Variants in ZFHX3 observed in about 807,000 individuals in gnomAD.
ZFHX3 encodes the protein zinc finger homeobox 3, also known as zinc finger homeobox protein 3.
ZFHX3 carries 42 observed loss-of-function variants against 279.1 expected under a neutral mutation model. The ratio of observed to expected loss-of-function variants is 0.15; its 90% CI spans 0.12 to 0.19. ZFHX3 has a LOEUF of 0.19. ZFHX3 is among the 10% of genes least tolerant of loss of function. ZFHX3 has a pLI of 1.00. For synonymous variants in ZFHX3, 2,293 were observed against 1,957.8 expected (o/e 1.17, Z -4.52); for missense variants, 4,981 against 4,754.0 (o/e 1.05, Z -1.40).
intron 2 of ZFHX3, among the ~76,000 whole-genome samples, chr16:73,627,875 G>A (rs1192753437): frequency 6.6e-6 from 1 of 152,170 alleles, no homozygotes; most frequent in African/African-American, 2.4e-5. Flanking sequence ...CCGAGACTGT[G>A]CCACTGCACT....
chr16:73,731,992 T>C (rs2053573459), intron 1 of ZFHX3, among the ~76,000 whole-genome samples: 1 of 152,180 alleles, frequency 6.6e-6, no homozygotes, highest in South Asian at 2.1e-4. Context: ...GAACCCTACT[T>C]GGGGATTTCA....
intron 3 of ZFHX3, among the ~76,000 whole-genome samples, chr16:72,932,311 C>T (rs1959858207): frequency 6.6e-6 from 1 of 152,142 alleles, no homozygotes; most frequent in African/African-American, 2.4e-5. Flanking sequence ...TTCCTTCTCA[C>T]AACGGATGAT....
At chr16:73,607,006 A>G (rs2052193727) in intron 2 of ZFHX3, among the ~76,000 whole-genome samples, 1 of 152,102 alleles carries the variant, frequency 6.6e-6, no homozygotes, top group African/African-American at 2.4e-5. Context: ...CAACAACAAC[A>G]AAAACAAATA....
At chr16:73,685,025 AT>A (rs67930871) in intron 1 of ZFHX3, among the ~76,000 whole-genome samples, 4 of 146,672 alleles carry the variant, frequency 2.7e-5, no homozygotes, top group Middle Eastern at 3.6e-3. Context: ...ATTTATTATT[AT>A]TTTTTTTGAG....
intron 2 of ZFHX3, among the ~76,000 whole-genome samples, chr16:73,479,137 C>T (rs768261794): frequency 2.0e-5 from 3 of 152,154 alleles, no homozygotes; most frequent in Admixed American, 6.5e-5. Flanking sequence ...CTGCCCTATC[C>T]ACCCTCCCTT....
Position 73,014,518 on chromosome 16 carries a change from C to CTTTTTTTTTTT in ZFHX3, c.-50+33223_-50+33233dup, listed in dbSNP as rs1000108439. 28 of 63,406 alleles carry CTTTTTTTTTTT rather than the reference C, an allele frequency of 4.4e-4. 1 individual carries two copies. Among genetic ancestry groups the CTTTTTTTTTTT allele is most frequent in the African/African-American group, 1.3e-3 (21 of 15,976 alleles). The allele number at this position is 63,406 out of a possible 1,614,324, so 3.9% of individuals were successfully genotyped here. On this transcript the variant is annotated intron_variant, in intron 1 of 9. Coordinates refer to ENST00000268489, the MANE Select transcript of ZFHX3 (RefSeq NM_006885.4). ...AACAAGTTTGTGGTAATTTCTTCTT[C>CTTTTTTTTTTT]TTTTTTTTTTTTTTTTTTTTTTTTT... is the stretch of plus-strand genomic sequence containing the variant.
intron 1 of ZFHX3, among the ~76,000 whole-genome samples, chr16:73,036,622 G>A (rs1164148172): frequency 1.3e-5 from 2 of 152,040 alleles, no homozygotes; most frequent in East Asian, 1.9e-4. Context: ...AGGAAGAGGA[G>A]GGGAGAGGGG....
intron 5 of ZFHX3, among the ~76,000 whole-genome samples, chr16:73,231,832 A>G (rs1438722335): frequency 1.3e-5 from 2 of 152,254 alleles, no homozygotes; most frequent in East Asian, 3.9e-4. Context: ...CTCTCTACAT[A>G]GGCTCCAAAG....
chr16:72,822,407 A>C (rs1301808381), intron 5 of ZFHX3, among the ~76,000 whole-genome samples: 1 of 152,244 alleles, frequency 6.6e-6, no homozygotes, highest in Non-Finnish European at 1.5e-5. Context: ...TGCAACTCTG[A>C]CACCCGAGTT....
In ZFHX3 at chr16:73,587,323, A is replaced by G. The variant is rs533180516; in HGVS notation, c.-1547+92857T>C. Among the ~76,000 whole-genome samples the G allele has an allele frequency of 1.1e-4, 17 of 152,344 alleles. No homozygotes were observed. The South Asian group carries it at 3.3e-3, about 30-fold the overall frequency. On this transcript the variant is annotated intron_variant, in intron 2 of 17. Coordinates refer to the ZFHX3 transcript ENST00000641206. ...AAAAAACTGAGATGTTTAGAGGTATACATATTACTTTTCAGAGGGAACCAT... is the reference window on the plus strand; with the variant it reads ...AAAAAACTGAGATGTTTAGAGGTATGCATATTACTTTTCAGAGGGAACCAT...
intron 5 of ZFHX3, among the ~76,000 whole-genome samples, chr16:73,256,279 A>G (rs541956209): frequency 6.6e-6 from 1 of 152,312 alleles, no homozygotes; most frequent in East Asian, 1.9e-4. Flanking sequence ...AGGAATCAAA[A>G]GGTAATACAG....
upstream of ZFHX3, among the ~76,000 whole-genome samples, chr16:73,048,712 A>C (rs1179412322): frequency 6.6e-6 from 1 of 152,258 alleles, no homozygotes; most frequent in African/African-American, 2.4e-5. Flanking sequence ...CAATGTGGAC[A>C]GGAATTTATT....
chr16:73,826,214 G>T (rs1223408627), intron 1 of ZFHX3, among the ~76,000 whole-genome samples: 92 of 121,606 alleles, frequency 7.6e-4, no homozygotes, highest in African/African-American at 3.4e-3. Flanking sequence ...GTCTGTTTTT[G>T]GTGTATAAGA....
chr16:73,801,103 A>T (rs1362344940), intron 1 of ZFHX3, among the ~76,000 whole-genome samples: 1 of 152,242 alleles, frequency 6.6e-6, no homozygotes, highest in Non-Finnish European at 1.5e-5. Context: ...AACAAGCTGT[A>T]CCAGGTGCCT....
At chr16:73,196,106 G>A (rs1968142690) in intron 5 of ZFHX3, among the ~76,000 whole-genome samples, 1 of 140,826 alleles carries the variant, frequency 7.1e-6, no homozygotes, top group Non-Finnish European at 1.5e-5. Flanking sequence ...TCTAGGCTGT[G>A]ATCTTACCAT....
intron 3 of ZFHX3, among the ~76,000 whole-genome samples, chr16:73,381,363 T>C (rs2113267): frequency 0.57 from 87,319 of 152,008 alleles, 25,710 homozygotes; most frequent in Non-Finnish European, 0.63. Flanking sequence ...ATGAAAAGCA[T>C]GAAAAATAAA....
At chr16:73,771,542 T>C (rs1048414332) in intron 1 of ZFHX3, among the ~76,000 whole-genome samples, 1 of 152,206 alleles carries the variant, frequency 6.6e-6, no homozygotes, top group Non-Finnish European at 1.5e-5. Flanking sequence ...TGCTGAGGTC[T>C]TACCTTCCTC....
rs2143402925 is a variant in ZFHX3 at position 72,794,565 on chromosome 16, G to A, written c.8117C>T (p.Pro2706Leu). The A allele has an allele frequency of 1.2e-6, 2 of 1,614,212 alleles. No homozygotes were observed. Among genetic ancestry groups the A allele is most frequent in the Non-Finnish European group, 1.7e-6 (2 of 1,180,042 alleles). ...AGGGCATCTCCTGTGGGCCTGCGCT[G>A]GGCCTACAGCCCGGAACTGTCCTTT... ...ERKGQFRAVG[P>L]AQAHRRCPFC... is the part of the protein sequence containing the mutation. Residue 2706 changes from proline to leucine, a missense_variant, in exon 9 of 10, where the codon CCA becomes CTA. Physicochemically the swap from Pro to Leu is moderately conservative, Grantham distance 98 (BLOSUM62 -3). Coordinates refer to ENST00000268489, the MANE Select transcript of ZFHX3 (RefSeq NM_006885.4). This position sits in a 1 kb window ranked among gnomAD's most constrained non-coding sequence, Gnocchi z 4.2.
exon 1 of ZFHX3, chr16:73,058,868 AGCGGCGGCG>A (rs934867928): frequency 7.7e-6 from 1 of 129,062 alleles, no homozygotes; most frequent in Non-Finnish European, 1.5e-5. Flanking sequence ...ACGGAAGAGA[AGCGGCGGCG>A]GCGGCGGCAG....
Sources: gnomAD v4.1 joint callset for allele counts (sites outside exome capture counted in the v4.1 genomes callset) on GRCh38, gnomAD v4.1.1 for gene constraint, Gnocchi (gnomAD v3.1) non-coding constraint, MANE v1.5 for transcripts, NCBI Gene and HGNC (gene_info 2026-07-23, HGNC 2026-07-21) for gene names.